TMPRSS6: variants seen among roughly 807,000 people sequenced by gnomAD.
TMPRSS6 encodes transmembrane protease serine 6.
Under a neutral mutation model 101.5 loss-of-function variants are expected in TMPRSS6, and 67 were observed. That is an observed-to-expected ratio of 0.66 (90% CI 0.54 to 0.81). The LOEUF is 0.81. Among genes scored for constraint, TMPRSS6 ranks in the 30% least tolerant of loss-of-function variants. The pLI, the probability that TMPRSS6 is intolerant of heterozygous loss-of-function variation, is 0.00. For synonymous variants in TMPRSS6, 453 were observed against 464.9 expected (o/e 0.97, Z 0.33); for missense variants, 1,034 against 1,088.7 (o/e 0.95, Z 0.71).
intron 1 of TMPRSS6, chr22:37,109,196 G>A (rs1476945923): frequency 6.6e-6 from 1 of 152,384 alleles, no homozygotes; most frequent in Non-Finnish European, 1.5e-5. Context: ...TGCGAGGCAG[G>A]GGTAGGGTGG....
At chr22:37,087,309 C>T (rs1310875432) in intron 7 of TMPRSS6, among the ~76,000 whole-genome samples, 1 of 152,238 alleles carries the variant, frequency 6.6e-6, no homozygotes, top group Non-Finnish European at 1.5e-5. Flanking sequence ...AGCCTCCCTG[C>T]CTGCAGACTG....
Position 37,069,212 on chromosome 22 carries a change from G to A in TMPRSS6, c.1974C>T (p.Tyr658=), listed in dbSNP as rs1199149193. The change falls in exon 16 of 18, where the codon TAC becomes TAT. Residue 658 remains tyrosine (Y), a synonymous_variant. Transcript: ENST00000676104. This position sits in a 1 kb window ranked among gnomAD's most constrained non-coding sequence, Gnocchi z 4.8. ...GGTCGAGCTGCAGCAGCGCCACGTCGTAGTCATGGCTGTCCTCTTCGTGGT... is the reference window on the plus strand; with the variant it reads ...GGTCGAGCTGCAGCAGCGCCACGTCATAGTCATGGCTGTCCTCTTCGTGGT... The part of the protein sequence containing the change: ...HPYHEEDSHD[Y]DVALLQLDHP... 4 of 1,607,660 alleles carry A rather than the reference G, an allele frequency of 2.5e-6. No individual in the cohort carries two copies. Among genetic ancestry groups the A allele is most frequent in the Non-Finnish European group, 2.5e-6 (3 of 1,177,848 alleles).
chr22:37,107,539 G>A (rs925491416), intron 1 of TMPRSS6, among the ~76,000 whole-genome samples: 2 of 143,486 alleles, frequency 1.4e-5, no homozygotes, highest in African/African-American at 5.3e-5. Context: ...CTGTCACCTC[G>A]ACTCCTGCAA....
rs1474346320 is a variant in TMPRSS6, at chr22:37,065,542, G to A, written c.*538C>T. 1 of 160,416 alleles carries A rather than the reference G, an allele frequency of 6.2e-6. No individual in the cohort carries two copies. Among genetic ancestry groups the A allele is most frequent in the Non-Finnish European group, 1.4e-5 (1 of 72,530 alleles). 9.9% of individuals were successfully genotyped at this position (160,416 alleles called of 1,614,324 possible). A position where few individuals can be genotyped will look rare whatever the true frequency, so the allele number is the denominator to read the frequency against. Reference sequence around the variant, plus strand: ...GCAGGGGTGGGGCAAGGACCCTGGAGTCAGGACTTCCCCACCTTTTGGCTT... The same window carrying A: ...GCAGGGGTGGGGCAAGGACCCTGGAATCAGGACTTCCCCACCTTTTGGCTT... On this transcript the variant is annotated 3_prime_UTR_variant, in exon 18 of 18. Transcript: ENST00000676104.
chr22:37,097,006 C>T (rs370282708), intron 3 of TMPRSS6, among the ~76,000 whole-genome samples: 21 of 152,192 alleles, frequency 1.4e-4, no homozygotes, highest in Admixed American at 1.4e-3. Flanking sequence ...CTCTGAGAAA[C>T]CCCACTCGGC....
chr22:37,072,261 GATGATGGATGGTTGC>G (rs1356294729), intron 13 of TMPRSS6, among the ~76,000 whole-genome samples: 4 of 117,354 alleles, frequency 3.4e-5, no homozygotes, highest in East Asian at 2.8e-4. Flanking sequence ...TGGATGGATG[GATGATGGATGGTTGC>G]ATGGATGGAT....
At chr22:37,100,264 C>A (rs1389023958) in intron 2 of TMPRSS6, among the ~76,000 whole-genome samples, 1 of 152,254 alleles carries the variant, frequency 6.6e-6, no homozygotes, top group African/African-American at 2.4e-5. Flanking sequence ...ACGCGCCTGG[C>A]CCCAAGCGAG....
intron 1 of TMPRSS6, among the ~76,000 whole-genome samples, chr22:37,108,445 A>T (rs1384684420): frequency 1.3e-5 from 2 of 152,122 alleles, no homozygotes; most frequent in Non-Finnish European, 2.9e-5. Context: ...ACTGTGCTCC[A>T]ATTGCCACAG....
intron 8 of TMPRSS6, 54 bp downstream of exon 8, chr22:37,086,228 GC>G: frequency 6.2e-7 from 1 of 1,611,744 alleles, no homozygotes. Context: ...CCAGTGGAGG[GC>G]CCTTGGATTC....
In TMPRSS6 at chr22:37,069,434, T is replaced by TC; in HGVS notation, c.1842-91dup. 1.5e-6 allele frequency: 2 copies of TC among 1,300,654 alleles called. No homozygotes were observed. Among genetic ancestry groups the TC allele is most frequent in the Admixed American group, 4.1e-5 (2 of 48,674 alleles). 80.6% of individuals were successfully genotyped at this position (1,300,654 alleles called of 1,614,324 possible). A position where few individuals can be genotyped will look rare whatever the true frequency, so the allele number is the denominator to read the frequency against. ...TCCAGGGACCCTCAAGATAGCCAGA[T>TC]CCCCGCCCGGGACAGTGCCCTCCAC... On this transcript the variant is annotated intron_variant, in intron 15 of 17. Transcript: ENST00000676104. This position sits in a 1 kb window ranked among gnomAD's most constrained non-coding sequence, Gnocchi z 4.8.
chr22:37,095,957 C>T lies in TMPRSS6; in HGVS notation c.538G>A (p.Val180Ile), dbSNP rs771121196. The T allele has an allele frequency of 3.1e-5, 50 of 1,614,032 alleles. No homozygotes were observed. The highest frequency in any genetic ancestry group is 5.0e-5 in the Admixed American group (3 of 60,010). ...ACTTCGTACTCGGCCCTGTAGGGGA[C>T]GGCAGCCGAGCTGTTGACTGTGGAC... ...LLSTVNSSAA[V>I]PYRAEYEVDP... The change falls in exon 5 of 18, where the codon GTC (valine) becomes ATC (isoleucine). Residue 180 changes from valine to isoleucine, a missense_variant. Val to Ile is a conservative substitution (Grantham distance 29). Transcript: ENST00000676104.
intron 3 of TMPRSS6, 92 bp downstream of exon 3, chr22:37,098,324 T>G: frequency 6.3e-7 from 1 of 1,593,554 alleles, no homozygotes; most frequent in Non-Finnish European, 8.6e-7. Context: ...ATGCTCCAGA[T>G]GGGTTGACCA....
At chr22:37,074,544 G>C in intron 12 of TMPRSS6, 66 bp downstream of exon 12, 1 of 1,471,236 alleles carries the variant, frequency 6.8e-7, no homozygotes, top group Non-Finnish European at 9.5e-7. Context: ...TCAGCTCAGA[G>C]CAGGAAAGGT....
intron 5 of TMPRSS6, 121 bp from the exon 6 acceptor site, chr22:37,095,713 T>G (rs1346010569): frequency 2.4e-6 from 3 of 1,239,258 alleles, no homozygotes; most frequent in Non-Finnish European, 3.4e-6. Context: ...AGATTTACCC[T>G]AAATGCCCCC....
In TMPRSS6 at chr22:37,083,851, T is replaced by C. The variant is rs537884241; in HGVS notation, c.1196+444A>G. On this transcript the variant is annotated intron_variant, in intron 10 of 17. Transcript: ENST00000676104. ...TTACCCTGTGCAATGGGATTGGGCC[T>C]GGCTGTGCAGCAGGGGTTCGTGATA... 2.7e-4 allele frequency: 102 copies of C among 374,240 alleles called. No individual in the cohort carries two copies. In the Middle Eastern group the frequency reaches 7.1e-3, roughly 26 times the overall value. The allele number at this position is 374,240 out of a possible 1,614,324, so 23.2% of individuals were successfully genotyped here.
In TMPRSS6 at chr22:37,069,796, G is replaced by A. The variant is rs1926718234; in HGVS notation, c.1842-452C>T. Among the ~76,000 whole-genome samples the A allele has an allele frequency of 6.6e-6, 1 of 152,354 alleles. No homozygotes were observed. Among genetic ancestry groups the A allele is most frequent in the Middle Eastern group, 3.4e-3 (1 of 294 alleles). Reference sequence around the variant, plus strand: ...AGTGGGGAGCGGGTGGGAGTTGAGCGTGGAGGAATTGGACTGCGGCAGTCA... The same window carrying A: ...AGTGGGGAGCGGGTGGGAGTTGAGCATGGAGGAATTGGACTGCGGCAGTCA... On this transcript the variant is annotated intron_variant, in intron 15 of 17. Transcript: ENST00000676104. The surrounding 1 kb of genome is among the most constrained non-coding windows in gnomAD (Gnocchi z 4.8).
chr22:37,067,093 A>G (rs1601511795), intron 16 of TMPRSS6, 131 bp from the exon 17 acceptor site: 2 of 1,384,266 alleles, frequency 1.4e-6, no homozygotes, highest in East Asian at 5.0e-5. Flanking sequence ...TACCCCTGCT[A>G]GGGTCGCACC....
chr22:37,067,120 T>G (rs1926375954), intron 16 of TMPRSS6, among the ~76,000 whole-genome samples, 158 bp from the exon 17 acceptor site: 1 of 152,338 alleles, frequency 6.6e-6, no homozygotes, highest in East Asian at 1.9e-4. Flanking sequence ...TCTGCCTCCC[T>G]GTCACTTTAT....
At position 37,084,722 on chromosome 22, in the gene TMPRSS6, C is replaced by T; in HGVS notation, c.1086+5G>A. 1.9e-6 allele frequency: 3 copies of T among 1,557,300 alleles called. No homozygotes were observed. The highest frequency in any genetic ancestry group is 1.4e-5 in the African/African-American group (1 of 73,716). On this transcript the variant is annotated splice_donor_5th_base_variant and intron_variant, in intron 9 of 17. Transcript: ENST00000676104. Reference sequence around the variant, plus strand: ...GGCAGGTGGGCAGGCAGGGTGGGGTCTCACCGTGAGGTGCCAGGAGCAGTG... The same window carrying T: ...GGCAGGTGGGCAGGCAGGGTGGGGTTTCACCGTGAGGTGCCAGGAGCAGTG...
Sources: gnomAD v4.1 joint callset for allele counts (sites outside exome capture counted in the v4.1 genomes callset) on GRCh38, gnomAD v4.1.1 for gene constraint, Gnocchi (gnomAD v3.1) non-coding constraint, MANE v1.5 for transcripts, NCBI Gene and HGNC (gene_info 2026-07-23, HGNC 2026-07-21) for gene names.